Variants in UBE3D observed in about 807,000 individuals in gnomAD.
The protein encoded by UBE3D is ubiquitin protein ligase E3D.
UBE3D carries 48 observed loss-of-function variants against 49.6 expected under a neutral mutation model. The ratio of observed to expected loss-of-function variants is 0.97; its 90% CI spans 0.77 to 1.23. The LOEUF (loss-of-function observed/expected upper bound fraction) is 1.23. Among genes scored for constraint, UBE3D ranks in the 50% most tolerant of loss-of-function variants. The probability of loss-of-function intolerance (pLI) is 0.00; values close to 1 mark genes in which losing one functional copy is unlikely to be tolerated. For missense variants in UBE3D, 452 were observed against 468.4 expected, an observed-to-expected ratio of 0.96 and a Z score of 0.32; for synonymous variants, 189 against 174.2, an observed-to-expected ratio of 1.08 and a Z score of -0.67.
intron 7 of UBE3D, 93 bp downstream of exon 7, chr6:83,022,360 A>G: frequency 2.4e-6 from 2 of 827,354 alleles, no homozygotes; most frequent in Non-Finnish European, 3.6e-6. Flanking sequence ...TATTTTCCAC[A>G]CCTGAGAATT....
At chr6:82,910,348 C>A (rs1001756977) in intron 9 of UBE3D, among the ~76,000 whole-genome samples, 2 of 152,162 alleles carry the variant, frequency 1.3e-5, no homozygotes, top group Non-Finnish European at 2.9e-5. Context: ...AATGATTGGA[C>A]AAATTAATTA....
At chr6:82,896,593 G>A (rs1173289490) in intron 9 of UBE3D, among the ~76,000 whole-genome samples, 1 of 152,140 alleles carries the variant, frequency 6.6e-6, no homozygotes, top group Non-Finnish European at 1.5e-5. Context: ...TGGCCAGGTT[G>A]ATGTATCATT....
intron 8 of UBE3D, among the ~76,000 whole-genome samples, chr6:83,002,923 G>C (rs1256957471): frequency 6.6e-6 from 1 of 152,162 alleles, no homozygotes; most frequent in Non-Finnish European, 1.5e-5. Flanking sequence ...CGGCACAACA[G>C]ACTAAGACAT....
At chr6:82,932,361 T>C (rs569379362) in intron 9 of UBE3D, among the ~76,000 whole-genome samples, 1 of 152,274 alleles carries the variant, frequency 6.6e-6, no homozygotes, top group Admixed American at 6.5e-5. Context: ...TAGTATCTGG[T>C]CCTATAAAAT....
At chr6:83,020,318 A>T (rs1780994797) in intron 7 of UBE3D, among the ~76,000 whole-genome samples, 1 of 149,110 alleles carries the variant, frequency 6.7e-6, no homozygotes, top group Non-Finnish European at 1.5e-5. Flanking sequence ...CAGGTTGCAG[A>T]AAAACGCTAA....
chr6:82,902,158 CAAAG>C (rs1771785799), intron 9 of UBE3D, among the ~76,000 whole-genome samples: 1 of 152,108 alleles, frequency 6.6e-6, no homozygotes, highest in African/African-American at 2.4e-5. Flanking sequence ...CAAAAGTTGG[CAAAG>C]AAACTGAGTC....
chr6:82,973,976 C>T (rs755393685), intron 8 of UBE3D, among the ~76,000 whole-genome samples: 6 of 152,286 alleles, frequency 3.9e-5, no homozygotes, highest in Middle Eastern at 3.4e-3. Context: ...TCTCCCATCA[C>T]CCCCAGATGG....
intron 8 of UBE3D, among the ~76,000 whole-genome samples, chr6:82,966,070 T>A (rs1413913994): frequency 1.3e-5 from 2 of 152,190 alleles, no homozygotes; most frequent in Non-Finnish European, 2.9e-5. Context: ...AACCGCCTCA[T>A]TATTTTTTTT....
At chr6:82,985,838 T>A (rs1212782673) in intron 8 of UBE3D, among the ~76,000 whole-genome samples, 1 of 152,238 alleles carries the variant, frequency 6.6e-6, no homozygotes, top group Admixed American at 6.5e-5. Flanking sequence ...TGTTTATATA[T>A]GAAATCAGGT....
At chr6:82,936,645 A>C (rs1281821967) in intron 9 of UBE3D, among the ~76,000 whole-genome samples, 1 of 152,314 alleles carries the variant, frequency 6.6e-6, no homozygotes, top group Admixed American at 6.5e-5. Context: ...CTATGGATTA[A>C]TCACACTGTC....
At position 82,892,952 on chromosome 6, in the gene UBE3D, G is replaced by A. The variant is rs1202665751; in HGVS notation, c.*70C>T. On this transcript the variant is annotated 3_prime_UTR_variant, in exon 10 of 10. Transcript: ENST00000369747. ...CTTTGTAATTGATGCCTCCTGAGCT[G>A]ACTGCTGGCCTCGGTGTGCTCCTGC... 1 of 1,573,384 alleles carries A rather than the reference G, an allele frequency of 6.4e-7. No homozygotes were observed. The highest frequency in any genetic ancestry group is 8.7e-7 in the Non-Finnish European group (1 of 1,143,914).
rs183535207 is a variant in UBE3D at position 83,022,900 on chromosome 6, C to T, written c.738-339G>A. On this transcript the variant is annotated intron_variant, in intron 6 of 9. Coordinates refer to ENST00000369747, the MANE Select transcript of UBE3D (RefSeq NM_198920.3). ...AGCATATTAAACAGAGAATAACTAACTTACAAAAGAAGGCAAGAAATTTCC... is the reference window on the plus strand; with the variant it reads ...AGCATATTAAACAGAGAATAACTAATTTACAAAAGAAGGCAAGAAATTTCC... Among the ~76,000 whole-genome samples, 437 of 152,318 alleles carry T rather than the reference C, an allele frequency of 2.9e-3. 1 individual carries two copies. Among genetic ancestry groups the T allele is most frequent in the African/African-American group, 9.5e-3 (394 of 41,574 alleles).
intron 4 of UBE3D, among the ~76,000 whole-genome samples, chr6:83,043,583 C>G (rs1423415813): frequency 6.6e-6 from 1 of 152,120 alleles, no homozygotes; most frequent in Non-Finnish European, 1.5e-5. Context: ...AATTTACAAC[C>G]TAAGAGCTGC....
At chr6:82,983,887 G>C (rs1294117007) in intron 8 of UBE3D, among the ~76,000 whole-genome samples, 1 of 152,196 alleles carries the variant, frequency 6.6e-6, no homozygotes, top group East Asian at 1.9e-4. Context: ...GCACTTCTTT[G>C]TGTGTTTATG....
intron 8 of UBE3D, among the ~76,000 whole-genome samples, chr6:83,000,646 G>A (rs542150475): frequency 2.4e-4 from 36 of 152,244 alleles, no homozygotes; most frequent in Non-Finnish European, 3.1e-4. Context: ...TTAGGATAAA[G>A]ACTAAATTCT....
intron 8 of UBE3D, among the ~76,000 whole-genome samples, chr6:82,982,018 T>G (rs974202363): frequency 6.6e-6 from 1 of 152,142 alleles, no homozygotes; most frequent in African/African-American, 2.4e-5. Flanking sequence ...TATAATAAAC[T>G]GCCCCTGTTT....
chr6:82,971,778 A>G (rs760511014), intron 8 of UBE3D, among the ~76,000 whole-genome samples: 4 of 152,110 alleles, frequency 2.6e-5, no homozygotes, highest in Non-Finnish European at 4.4e-5. Context: ...TTTGCCAGAA[A>G]GAATTTTTAA....
chr6:82,998,638 G>T (rs1017352080), intron 8 of UBE3D, among the ~76,000 whole-genome samples: 1 of 151,956 alleles, frequency 6.6e-6, no homozygotes, highest in African/African-American at 2.4e-5. Flanking sequence ...ATAATCTTTG[G>T]TACTTAAAAA....
chr6:83,053,751 AAC>A (rs1473800002), intron 3 of UBE3D, among the ~76,000 whole-genome samples: 1 of 152,228 alleles, frequency 6.6e-6, no homozygotes, highest in Non-Finnish European at 1.5e-5. Context: ...CACTGATAAA[AAC>A]AGTTCAAATA....
Sources: allele counts gnomAD v4.1 joint callset (sites outside exome capture counted in the v4.1 genomes callset), GRCh38; gene constraint gnomAD v4.1.1; transcripts MANE v1.5; gene names NCBI Gene and HGNC (gene_info 2026-07-23, HGNC 2026-07-21).